The following KRT39 variants were observed in gnomAD, a reference collection of about 807,000 sequenced individuals.
KRT39 encodes the protein keratin, type I cytoskeletal 39.
Under a neutral mutation model 54.8 loss-of-function variants are expected in KRT39, and 47 were observed. The ratio of observed to expected loss-of-function variants is 0.86; its 90% confidence interval spans 0.68 to 1.09. The LOEUF is 1.09. Among genes scored for constraint, KRT39 ranks in the 50% least tolerant of loss-of-function variants. The pLI, the probability that KRT39 is intolerant of heterozygous loss-of-function variation, is 0.00. For synonymous variants in KRT39, 207 were observed against 227.9 expected (o/e 0.91, Z 0.83); for missense variants, 580 against 598.5 (o/e 0.97, Z 0.32).
rs768224888 is a variant in KRT39 at position 40,966,487 on chromosome 17, G to A, written c.370C>T (p.Leu124=). 6.2e-7 allele frequency: 1 copy of A among 1,614,132 alleles called. No homozygotes were observed. The highest frequency in any genetic ancestry group is 8.5e-7 in the Non-Finnish European group (1 of 1,179,986). The stretch of plus-strand genomic sequence containing the variant: ...CTTTCTTCCTGGATTTTAGATTCCA[G>A]TTCAGCATTCTCTCGTTCTAGCATT... ...VRMLERENAE[L]ESKIQEESNK... is the part of the protein sequence containing the mutation. The change falls in exon 1 of 7, where the codon CTG becomes TTG. Residue 124 remains leucine, a synonymous_variant. Transcript: ENST00000355612.
Position 40,962,176 on chromosome 17 carries a change from C to A in KRT39, c.982G>T (p.Ala328Ser). 1 of 1,614,136 alleles carries A rather than the reference C, an allele frequency of 6.2e-7. No homozygotes were observed. Among genetic ancestry groups the A allele is most frequent in the Non-Finnish European group, 8.5e-7 (1 of 1,180,004 alleles). Residue 328 changes from alanine (A) to serine (S), a missense_variant, in exon 5 of 7, where the codon GCC becomes TCC. Coordinates refer to ENST00000355612, the MANE Select transcript of KRT39 (RefSeq NM_213656.4). ...SVNTLEVELQ[A>S]QHRMRDSQEC... ...TTGCTCAGTACCATTCGATGCTGGG[C>A]CTGCAGTTCAACCTCCAGAGTGTTC...
At chr17:40,964,136 T>G (rs952929249) in intron 2 of KRT39, 7 of 442,892 alleles carry the variant, frequency 1.6e-5, no homozygotes, top group Non-Finnish European at 2.8e-5. Context: ...TACCTTTGGG[T>G]GAGTAACTTA....
intron 3 of KRT39, among the ~76,000 whole-genome samples, chr17:40,962,966 T>G (rs1911215951): frequency 6.6e-6 from 1 of 152,204 alleles, no homozygotes. Flanking sequence ...GAAGCCTGTA[T>G]AGGGATGCCT....
Position 40,958,687 on chromosome 17 carries a change from T to A in KRT39, c.1390A>T (p.Ile464Phe). The part of the protein sequence containing the change: ...LSRILVKICT[I>F]TKEIKDGKVI... ...TTCCCATCCTTAATCTCCTTGGTGATGGTGCAAATTTTAACCAGTATCCGG... is the reference window on the plus strand; with the variant it reads ...TTCCCATCCTTAATCTCCTTGGTGAAGGTGCAAATTTTAACCAGTATCCGG... Residue 464 changes from isoleucine (I) to phenylalanine (F), a missense_variant, in exon 7 of 7, where the codon ATC becomes TTC. Ile to Phe is a conservative substitution (Grantham distance 21). Coordinates refer to ENST00000355612, the MANE Select transcript of KRT39 (RefSeq NM_213656.4). 1 of 1,614,124 alleles carries A rather than the reference T, an allele frequency of 6.2e-7. No homozygotes were observed. The highest frequency in any genetic ancestry group is 8.5e-7 in the Non-Finnish European group (1 of 1,180,004).
chr17:40,960,292 G>C lies in KRT39; in HGVS notation c.1206C>G (p.Ser402Arg). 1 of 1,612,420 alleles carries C rather than the reference G, an allele frequency of 6.2e-7. No homozygotes were observed. Among genetic ancestry groups the C allele is most frequent in the South Asian group, 1.1e-5 (1 of 91,056 alleles). The change falls in exon 6 of 7, where the codon AGC becomes AGG. Residue 402 changes from serine (S) to arginine (R), a missense_variant. Ser to Arg is a moderately radical substitution (Grantham distance 110). Transcript: ENST00000355612. ...EITTYRSLLE[S>R]SDGKRPCYPR... Reference sequence around the variant, plus strand: ...GTTATTTTACATACTTGCCATCCGAGCTCTCCAGAAGGCTGCGGTATGTGG... The same window carrying C: ...GTTATTTTACATACTTGCCATCCGACCTCTCCAGAAGGCTGCGGTATGTGG...
In KRT39 at chr17:40,958,631, AG is replaced by A. The variant is rs1910997590; in HGVS notation, c.1445del (p.Pro482LeufsTer15). 1 of 1,612,768 alleles carries A rather than the reference AG, an allele frequency of 6.2e-7. No individual in the cohort carries two copies. The highest frequency in any genetic ancestry group is 1.1e-5 in the South Asian group (1 of 90,756). ...KVISSYEHVQ[P>X]CFIIRPAKV ...CTTTGGCAGGTCTGATGATGAAACA[AG>A]GCTGCACATGCTCGTAAGAAGAAAT... On this transcript the variant is annotated frameshift_variant, in exon 7 of 7. Coordinates refer to ENST00000355612, the MANE Select transcript of KRT39 (RefSeq NM_213656.4). LOFTEE classifies it high-confidence loss of function.
At chr17:40,965,607 T>C (rs1405682750) in intron 1 of KRT39, among the ~76,000 whole-genome samples, 1 of 152,150 alleles carries the variant, frequency 6.6e-6, no homozygotes, top group Non-Finnish European at 1.5e-5. Flanking sequence ...AATACGTCTG[T>C]GCATAACAAA....
chr17:40,960,310 G>A lies in KRT39; in HGVS notation c.1188C>T (p.Tyr396=). The A allele has an allele frequency of 6.2e-7, 1 of 1,613,510 alleles. No homozygotes were observed. The highest frequency in any genetic ancestry group is 1.1e-5 in the South Asian group (1 of 91,080). The part of the protein sequence containing the change: ...KSRLECEITT[Y]RSLLESSDGK... ...CATCCGAGCTCTCCAGAAGGCTGCGGTATGTGGTAATCTCACATTCCAGCC... is the reference window on the plus strand; with the variant it reads ...CATCCGAGCTCTCCAGAAGGCTGCGATATGTGGTAATCTCACATTCCAGCC... Residue 396 remains tyrosine, a synonymous_variant, in exon 6 of 7, where the codon TAC becomes TAT. Transcript: ENST00000355612.
chr17:40,966,499 C>G lies in KRT39; in HGVS notation c.358G>C (p.Glu120Gln). 2 of 1,614,170 alleles carry G rather than the reference C, an allele frequency of 1.2e-6. No homozygotes were observed. The highest frequency in any genetic ancestry group is 1.7e-6 in the Non-Finnish European group (2 of 1,180,022). Residue 120 changes from glutamate to glutamine, a missense_variant, in exon 1 of 7, where the codon GAG becomes CAG. By Grantham distance (29) the Glu-to-Gln change is conservative. Coordinates refer to ENST00000355612, the MANE Select transcript of KRT39 (RefSeq NM_213656.4). The stretch of plus-strand genomic sequence containing the variant: ...ATTTTAGATTCCAGTTCAGCATTCT[C>G]TCGTTCTAGCATTCGCACCTTTTGC... Reference protein sequence around the residue: ...YLQKVRMLERENAELESKIQE... With the variant: ...YLQKVRMLERQNAELESKIQE...
In KRT39 at chr17:40,966,445, C is replaced by G; in HGVS notation, c.412G>C (p.Val138Leu). 1 of 1,614,180 alleles carries G rather than the reference C, an allele frequency of 6.2e-7. No individual in the cohort carries two copies. The highest frequency in any genetic ancestry group is 8.5e-7 in the Non-Finnish European group (1 of 1,180,018). ...TAAGACAGGTAATCAGGACATAGAA[C>G]AGGGAGCTCTTTGTTACTTTCTTCC... is the stretch of plus-strand genomic sequence containing the variant. ...IQEESNKELP[V>L]LCPDYLSYYT... Residue 138 changes from valine (V) to leucine (L), a missense_variant, in exon 1 of 7, where the codon GTT becomes CTT. Physicochemically the swap from Val to Leu is conservative, Grantham distance 32 (BLOSUM62 1). Coordinates refer to ENST00000355612, the MANE Select transcript of KRT39 (RefSeq NM_213656.4).
chr17:40,960,159 C>G, intron 6 of KRT39, 122 bp downstream of exon 6: 1 of 795,278 alleles, frequency 1.3e-6, no homozygotes, highest in Non-Finnish European at 2.1e-6. Flanking sequence ...TGCCTCTGTC[C>G]AAGCTCCCCA....
intron 1 of KRT39, 120 bp downstream of exon 1, chr17:40,966,269 T>C (rs1911388455): frequency 2.7e-6 from 2 of 736,418 alleles, no homozygotes; most frequent in Non-Finnish European, 4.5e-6. Flanking sequence ...AAGAAATTTT[T>C]CTATTCTTCA....
Position 40,961,658 on chromosome 17 carries a change from C to G in KRT39, c.996+504G>C, listed in dbSNP as rs143585189. The stretch of plus-strand genomic sequence containing the variant: ...ATAAAATAGGTGGGCTGAAACTTAC[C>G]TTGGATTTGCTTGGGAAAATCACTT... On this transcript the variant is annotated intron_variant, in intron 5 of 6. Transcript: ENST00000355612. Among the ~76,000 whole-genome samples, 826 of 152,242 alleles carry G rather than the reference C, an allele frequency of 5.4e-3. 11 individuals are homozygous for G. Among genetic ancestry groups the G allele is most frequent in the African/African-American group, 0.019 (798 of 41,534 alleles).
intron 2 of KRT39, 91 bp downstream of exon 2, chr17:40,964,355 G>T (rs1479716860): frequency 7.0e-6 from 7 of 1,007,096 alleles, no homozygotes; most frequent in Admixed American, 1.7e-5. Context: ...GGGGCAAGAG[G>T]GTTAGTAGAC....
At chr17:40,963,869 C>T in intron 2 of KRT39, 86 bp from the exon 3 acceptor site, 2 of 1,004,620 alleles carry the variant, frequency 2.0e-6, no homozygotes, top group Non-Finnish European at 2.9e-6. Flanking sequence ...GCATTTTGCT[C>T]TGGGCACCTC....
intron 2 of KRT39, chr17:40,964,245 C>T: frequency 1.8e-6 from 1 of 568,240 alleles, no homozygotes. Context: ...AATGGGTTCA[C>T]AAGTTAGAAA....
Position 40,958,713 on chromosome 17 carries a change from G to GTTAAAATAAA in KRT39, c.1363_1364insTTTATTTTAA (p.Ser455PhefsTer9). The GTTAAAATAAA allele has an allele frequency of 6.2e-7, 1 of 1,614,082 alleles. No homozygotes were observed. On this transcript the variant is annotated frameshift_variant, in exon 7 of 7. Coordinates refer to ENST00000355612, the MANE Select transcript of KRT39 (RefSeq NM_213656.4). LOFTEE classifies it high-confidence loss of function. ...GGTGCAAATTTTAACCAGTATCCGGGACAGGGGTCCGCAGGCACTGCAGTG... is the reference window on the plus strand; with the variant it reads ...GGTGCAAATTTTAACCAGTATCCGGGTTAAAATAAAACAGGGGTCCGCAGGCACTGCAGTG...
At chr17:40,962,608 C>T in intron 3 of KRT39, 45 bp from the exon 4 acceptor site, 3 of 1,545,682 alleles carry the variant, frequency 1.9e-6, no homozygotes, top group Non-Finnish European at 2.7e-6. Context: ...GAACAGATAA[C>T]CCCTTTGTGT....
At chr17:40,960,882 A>T (rs1188078527) in intron 5 of KRT39, among the ~76,000 whole-genome samples, 2 of 152,212 alleles carry the variant, frequency 1.3e-5, no homozygotes, top group Non-Finnish European at 2.9e-5. Context: ...CTATAATCCC[A>T]GCACTTTGGG....
Sources: allele counts gnomAD v4.1 joint callset (sites outside exome capture counted in the v4.1 genomes callset), GRCh38; gene constraint gnomAD v4.1.1; transcripts MANE v1.5; gene names NCBI Gene and HGNC (gene_info 2026-07-23, HGNC 2026-07-21).